The following FOXO1 variants were observed in gnomAD, a reference collection of about 807,000 sequenced individuals.
FOXO1 encodes forkhead box protein O1.
A neutral mutation model predicts 44.1 loss-of-function variants in FOXO1; 6 were observed. That is an observed-to-expected ratio of 0.14 (90% confidence interval 0.07 to 0.27). The LOEUF (loss-of-function observed/expected upper bound fraction) is 0.27, where lower values mean the gene tolerates loss of function less well. Among genes scored for constraint, FOXO1 ranks in the 10% least tolerant of loss-of-function variants. The pLI, the probability that FOXO1 is intolerant of heterozygous loss-of-function variation, is 1.00. For missense variants in FOXO1, 737 were observed against 888.8 expected, an observed-to-expected ratio of 0.83 and a Z score of 2.17; for synonymous variants, 380 against 362.7, an observed-to-expected ratio of 1.05 and a Z score of -0.54.
intron 1 of FOXO1, among the ~76,000 whole-genome samples, chr13:40,610,534 AC>A (rs1423541246): frequency 6.6e-6 from 1 of 152,216 alleles, no homozygotes; most frequent in Non-Finnish European, 1.5e-5. Flanking sequence ...TGTGAGTCAG[AC>A]CTGAAATAAT....
intron 1 of FOXO1, among the ~76,000 whole-genome samples, chr13:40,635,435 T>G (rs1457892006): frequency 1.3e-5 from 2 of 152,184 alleles, no homozygotes; most frequent in Non-Finnish European, 2.9e-5. Flanking sequence ...GGACTTAATT[T>G]CCAGTTTAAT....
At chr13:40,660,647 C>T (rs1267701326) in intron 1 of FOXO1, among the ~76,000 whole-genome samples, 1 of 152,148 alleles carries the variant, frequency 6.6e-6, no homozygotes, top group South Asian at 2.1e-4. Flanking sequence ...CTTGTGTGTG[C>T]GGAGCATGAA....
At chr13:40,645,337 ACATATTTT>A (rs1472941147) in intron 1 of FOXO1, among the ~76,000 whole-genome samples, 2 of 152,192 alleles carry the variant, frequency 1.3e-5, no homozygotes, top group African/African-American at 4.8e-5. Context: ...ACACATACTT[ACATATTTT>A]CAGTTTAAAA....
At chr13:40,595,331 C>T (rs1875535684) in intron 1 of FOXO1, among the ~76,000 whole-genome samples, 1 of 152,176 alleles carries the variant, frequency 6.6e-6, no homozygotes, top group Non-Finnish European at 1.5e-5. Flanking sequence ...CCATAAAAAT[C>T]AGTGCTTCTC....
At chr13:40,586,096 G>A (rs1875153953) in intron 1 of FOXO1, among the ~76,000 whole-genome samples, 2 of 152,204 alleles carry the variant, frequency 1.3e-5, no homozygotes. Context: ...ATGTGGGAAA[G>A]CCCTCAGGCT....
chr13:40,658,872 C>T (rs1260783063), intron 1 of FOXO1, among the ~76,000 whole-genome samples: 1 of 151,910 alleles, frequency 6.6e-6, no homozygotes, highest in Non-Finnish European at 1.5e-5. Context: ...ATTAGCCGGG[C>T]GTGGTGGTGG....
chr13:40,640,403 G>A lies in FOXO1; in HGVS notation c.630+25180C>T, dbSNP rs10507485. 4.5e-3 allele frequency among the ~76,000 whole-genome samples: 684 copies of A among 152,322 alleles called. 7 individuals are homozygous for A. The highest frequency in any genetic ancestry group is 8.2e-3 in the Non-Finnish European group (560 of 68,028). ...ACTACACTACACTCTCTCTCTCTAAGTATCGTCCAAAGCAAAACCAAAAGA... is the reference window on the plus strand; with the variant it reads ...ACTACACTACACTCTCTCTCTCTAAATATCGTCCAAAGCAAAACCAAAAGA... On this transcript the variant is annotated intron_variant, in intron 1 of 2. Transcript: ENST00000379561.
intron 1 of FOXO1, among the ~76,000 whole-genome samples, chr13:40,645,257 C>T (rs1877472589): frequency 6.6e-6 from 1 of 152,168 alleles, no homozygotes; most frequent in Non-Finnish European, 1.5e-5. Flanking sequence ...GTTTCCCTCC[C>T]CTTCCCTGCT....
intron 1 of FOXO1, among the ~76,000 whole-genome samples, chr13:40,571,085 A>G (rs1874472925): frequency 6.6e-6 from 1 of 152,188 alleles, no homozygotes; most frequent in Non-Finnish European, 1.5e-5. Flanking sequence ...TCTCAAATGA[A>G]TGTCATCAAC....
At chr13:40,653,265 C>A (rs1458630128) in intron 1 of FOXO1, among the ~76,000 whole-genome samples, 3 of 152,154 alleles carry the variant, frequency 2.0e-5, no homozygotes, top group Non-Finnish European at 2.9e-5. Flanking sequence ...CCACGCCCAG[C>A]CTCTAAATGC....
At chr13:40,627,274 C>T (rs190986719) in intron 1 of FOXO1, among the ~76,000 whole-genome samples, 1 of 152,284 alleles carries the variant, frequency 6.6e-6, no homozygotes, top group East Asian at 1.9e-4. Context: ...CCAGATAGAT[C>T]ACATTCACAC....
At chr13:40,615,566 T>TACATACATACAC (rs1876395934) in intron 1 of FOXO1, among the ~76,000 whole-genome samples, 1 of 121,142 alleles carries the variant, frequency 8.3e-6, no homozygotes, top group Non-Finnish European at 1.9e-5. Flanking sequence ...CATACATACA[T>TACATACATACAC]ACATACATAC....
rs76051905 is a variant in FOXO1, at chr13:40,621,415, G to T, written c.630+44168C>A. The T allele has an allele frequency of 9.8e-4, 264 of 270,186 alleles. 6 individuals are homozygous for T. In the East Asian group the frequency reaches 0.018, roughly 18 times the overall value. The allele number at this position is 270,186 out of a possible 1,614,324, so 16.7% of individuals were successfully genotyped here. A position where few individuals can be genotyped will look rare whatever the true frequency, so the allele number is the denominator to read the frequency against. ...CTGAATGTTCAAGCATTGTTTTGCT[G>T]AGTTACTTGTGATGAGCTAACTAGG... On this transcript the variant is annotated intron_variant, in intron 1 of 2. Coordinates refer to ENST00000379561, the MANE Select transcript of FOXO1 (RefSeq NM_002015.4).
chr13:40,609,042 G>T (rs1437487310), intron 1 of FOXO1, among the ~76,000 whole-genome samples: 2 of 152,086 alleles, frequency 1.3e-5, no homozygotes, highest in African/African-American at 4.8e-5. Flanking sequence ...CTCCAAATCA[G>T]GGTAACTTTA....
intron 1 of FOXO1, among the ~76,000 whole-genome samples, chr13:40,620,861 C>T (rs1876587582): frequency 7.4e-6 from 1 of 135,820 alleles, no homozygotes; most frequent in African/African-American, 2.9e-5. Flanking sequence ...TGCAGTGGTG[C>T]GATCTTGGCT....
chr13:40,588,284 G>A (rs1057122913), intron 1 of FOXO1, among the ~76,000 whole-genome samples: 5 of 152,190 alleles, frequency 3.3e-5, no homozygotes. Flanking sequence ...GGAAGTTTGA[G>A]TGTATCTGCA....
chr13:40,641,366 G>C (rs1322827242), intron 1 of FOXO1, among the ~76,000 whole-genome samples: 2 of 151,688 alleles, frequency 1.3e-5, no homozygotes, highest in Admixed American at 1.3e-4. Flanking sequence ...TCTCCTTAGA[G>C]AACAATTCAC....
chr13:40,642,508 A>G (rs1403839352), intron 1 of FOXO1, among the ~76,000 whole-genome samples: 2 of 152,234 alleles, frequency 1.3e-5, no homozygotes, highest in Non-Finnish European at 2.9e-5. Flanking sequence ...GATGACAGAT[A>G]TAAGCTTGGC....
intron 1 of FOXO1, among the ~76,000 whole-genome samples, chr13:40,605,597 C>A (rs1875965690): frequency 6.6e-6 from 1 of 152,106 alleles, no homozygotes; most frequent in Admixed American, 6.5e-5. Flanking sequence ...CTCAATCTGG[C>A]CCAAAAATAC....
Sources: allele counts gnomAD v4.1 joint callset (sites outside exome capture counted in the v4.1 genomes callset), GRCh38; gene constraint gnomAD v4.1.1; transcripts MANE v1.5; gene names NCBI Gene and HGNC (gene_info 2026-07-23, HGNC 2026-07-21).